SLC39A11: variants seen among roughly 807,000 people sequenced by gnomAD.
SLC39A11 encodes the protein solute carrier family 39 member 11.
In SLC39A11, 33 loss-of-function variants were observed where a neutral mutation model predicts 36.1. That is an observed-to-expected ratio of 0.91 (90% CI 0.69 to 1.22). The LOEUF (loss-of-function observed/expected upper bound fraction) is 1.22, where lower values mean the gene tolerates loss of function less well. Ranked by LOEUF, SLC39A11 falls within the 50% of genes most tolerant of loss-of-function variation. The pLI is 0.00. For missense variants in SLC39A11, 432 were observed against 430.3 expected (o/e 1.00, Z -0.03); for synonymous variants, 166 against 170.3 (o/e 0.97, Z 0.20).
intron 5 of SLC39A11, among the ~76,000 whole-genome samples, chr17:72,934,022 C>T (rs539010584): frequency 2.0e-5 from 3 of 150,946 alleles, no homozygotes; most frequent in South Asian, 4.2e-4. Context: ...GACAATTTAA[C>T]ATCCATATGA....
chr17:72,798,392 C>A (rs1453376346), intron 6 of SLC39A11, among the ~76,000 whole-genome samples: 1 of 149,092 alleles, frequency 6.7e-6, no homozygotes, highest in Non-Finnish European at 1.5e-5. Flanking sequence ...AGAGACTGAG[C>A]TCTGGTCTCT....
chr17:73,048,897 T>C (rs1018879847), intron 3 of SLC39A11, among the ~76,000 whole-genome samples: 2 of 152,164 alleles, frequency 1.3e-5, no homozygotes, highest in African/African-American at 4.8e-5. Context: ...AATTTACCCA[T>C]CCTGAACATG....
intron 6 of SLC39A11, among the ~76,000 whole-genome samples, chr17:72,846,411 C>T (rs2079058365): frequency 6.6e-6 from 1 of 152,194 alleles, no homozygotes; most frequent in South Asian, 2.1e-4. Flanking sequence ...TCCAAAGACA[C>T]AGAATAGGGT....
Position 72,683,558 on chromosome 17 carries a change from G to T in SLC39A11, c.672-34290C>A, listed in dbSNP as rs147265607. Reference sequence around the variant, plus strand: ...CACTATATTGCCCAGGCTGGTCTCGGACTCCTAGGCTCAAGTGATCCTCCC... The same window carrying T: ...CACTATATTGCCCAGGCTGGTCTCGTACTCCTAGGCTCAAGTGATCCTCCC... On this transcript the variant is annotated intron_variant, in intron 7 of 9. Transcript: ENST00000255559. Among the ~76,000 whole-genome samples the T allele has an allele frequency of 5.0e-3, 759 of 151,830 alleles. 11 individuals carry two copies. Among genetic ancestry groups the T allele is most frequent in the African/African-American group, 0.017 (721 of 41,408 alleles).
At chr17:72,942,370 A>C (rs1489736065) in intron 5 of SLC39A11, among the ~76,000 whole-genome samples, 1 of 152,214 alleles carries the variant, frequency 6.6e-6, no homozygotes, top group Admixed American at 6.5e-5. Context: ...TGCCAAAACC[A>C]CATGCCAAGA....
At chr17:72,689,847 GA>G (rs1292339044) in intron 7 of SLC39A11, among the ~76,000 whole-genome samples, 1 of 152,204 alleles carries the variant, frequency 6.6e-6, no homozygotes, top group Non-Finnish European at 1.5e-5. Flanking sequence ...TTGGGGTGAT[GA>G]AAACATTTTG....
At chr17:72,851,720 A>T (rs2079337754) in intron 5 of SLC39A11, among the ~76,000 whole-genome samples, 1 of 152,238 alleles carries the variant, frequency 6.6e-6, no homozygotes, top group Non-Finnish European at 1.5e-5. Flanking sequence ...CCAACTGATC[A>T]GACTAAGTCC....
intron 7 of SLC39A11, among the ~76,000 whole-genome samples, chr17:72,724,140 G>A (rs535408071): frequency 6.6e-6 from 1 of 151,798 alleles, no homozygotes; most frequent in Non-Finnish European, 1.5e-5. Flanking sequence ...CTTATTGGGA[G>A]CTTGAAAAGC....
chr17:72,882,797 C>CTTT (rs972532779), intron 5 of SLC39A11, among the ~76,000 whole-genome samples: 1 of 60,606 alleles, frequency 1.7e-5, no homozygotes. Context: ...GAGAATGCTT[C>CTTT]TTTTTTTTTT....
chr17:72,982,692 C>CT (rs57615096), intron 4 of SLC39A11, among the ~76,000 whole-genome samples: 88 of 147,124 alleles, frequency 6.0e-4, no homozygotes, highest in African/African-American at 8.7e-4. Flanking sequence ...GTTGCCAAGT[C>CT]TTTTTTTTTT....
chr17:72,652,190 T>A (rs976543699), intron 7 of SLC39A11, among the ~76,000 whole-genome samples: 1 of 152,220 alleles, frequency 6.6e-6, no homozygotes, highest in Non-Finnish European at 1.5e-5. Context: ...GGGGGCCAGA[T>A]TTGGCCCATG....
At chr17:72,707,964 C>T (rs904967728) in intron 7 of SLC39A11, among the ~76,000 whole-genome samples, 1 of 152,220 alleles carries the variant, frequency 6.6e-6, no homozygotes, top group African/African-American at 2.4e-5. Flanking sequence ...TTCTGCAGAA[C>T]AATAACTACA....
intron 3 of SLC39A11, among the ~76,000 whole-genome samples, chr17:73,046,754 C>T (rs1374756853): frequency 1.3e-5 from 2 of 151,968 alleles, no homozygotes; most frequent in Non-Finnish European, 2.9e-5. Flanking sequence ...CCAGCCTGGG[C>T]AACATGGCAA....
chr17:72,697,516 C>G (rs2072364248), intron 7 of SLC39A11, among the ~76,000 whole-genome samples: 1 of 152,194 alleles, frequency 6.6e-6, no homozygotes, highest in South Asian at 2.1e-4. Context: ...CCCAATCTCC[C>G]ACAATCTCCA....
chr17:73,054,770 T>TGC (rs2059615412), intron 3 of SLC39A11, among the ~76,000 whole-genome samples: 1 of 146,392 alleles, frequency 6.8e-6, no homozygotes, highest in African/African-American at 2.6e-5. Flanking sequence ...ATCGTGCCAT[T>TGC]GCACTCCAGC....
chr17:72,783,526 A>G (rs2076395713), intron 6 of SLC39A11, among the ~76,000 whole-genome samples: 1 of 152,250 alleles, frequency 6.6e-6, no homozygotes, highest in South Asian at 2.1e-4. Context: ...GAACATTCAG[A>G]TGAATCTACC....
chr17:72,874,871 A>C (rs1052401309), intron 5 of SLC39A11, among the ~76,000 whole-genome samples: 1 of 152,222 alleles, frequency 6.6e-6, no homozygotes, highest in African/African-American at 2.4e-5. Context: ...AAGATTGTAG[A>C]GTTTGGGACC....
At chr17:72,993,398 T>C (rs1222052320) in intron 4 of SLC39A11, among the ~76,000 whole-genome samples, 2 of 152,108 alleles carry the variant, frequency 1.3e-5, no homozygotes, top group Non-Finnish European at 2.9e-5. Flanking sequence ...TCTGTAGGAG[T>C]TGAAACCCAC....
intron 3 of SLC39A11, among the ~76,000 whole-genome samples, chr17:73,044,460 T>C (rs1336670471): frequency 2.0e-5 from 3 of 152,238 alleles, no homozygotes; most frequent in Non-Finnish European, 4.4e-5. Flanking sequence ...ATATGGATAC[T>C]ACACGATTCC....
Sources: allele counts gnomAD v4.1 joint callset (sites outside exome capture counted in the v4.1 genomes callset), GRCh38; gene constraint gnomAD v4.1.1; transcripts MANE v1.5; gene names NCBI Gene and HGNC (gene_info 2026-07-23, HGNC 2026-07-21).